CHD8: variants seen among roughly 807,000 people sequenced by gnomAD.
CHD8 encodes chromodomain helicase DNA binding protein 8, also known as ATP-dependent chromatin remodeler CHD8.
In CHD8, 31 loss-of-function variants were observed where a neutral mutation model predicts 279.2. The observed-to-expected ratio is 0.11, with a 90% confidence interval of 0.08 to 0.15. The LOEUF is 0.15. Among genes scored for constraint, CHD8 ranks in the 10% least tolerant of loss-of-function variants. CHD8 has a pLI of 1.00. For missense variants in CHD8, 2,146 were observed against 3,230.5 expected (o/e 0.66, Z 8.14); for synonymous variants, 1,081 against 1,139.6 (o/e 0.95, Z 1.04).
At chr14:21,411,624 G>A (rs982060800) in intron 10 of CHD8, among the ~76,000 whole-genome samples, 6 of 152,030 alleles carry the variant, frequency 3.9e-5, no homozygotes, top group African/African-American at 1.4e-4. Flanking sequence ...ATCCTGCTAA[G>A]CTAAACCAAA....
At position 21,394,144 on chromosome 14, in the gene CHD8, G is replaced by A. The variant is rs761480053; in HGVS notation, c.5651C>T (p.Ser1884Leu). 6.2e-7 allele frequency: 1 copy of A among 1,610,290 alleles called. No individual in the cohort carries two copies. The highest frequency in any genetic ancestry group is 2.2e-5 in the East Asian group (1 of 44,808). Residue 1884 changes from serine to leucine, a missense_variant, in exon 32 of 38, where the codon TCA (serine) becomes TTA (leucine). Physicochemically the swap from Ser to Leu is moderately radical, Grantham distance 145 (BLOSUM62 -2). Around this residue, in one of 26 missense-constraint regions of CHD8, gnomAD observed 513 missense variants for 637.6 expected, o/e 0.80. Transcript: ENST00000646647. ...FIEPITEERA[S>L]RTLYRIELLR... is the part of the protein sequence containing the mutation. ...CAATTCTATACGGTAGAGAGTCCGT[G>A]AGGCTCTCTCCTCAGTGATGGGCTC...
rs775420723 is a variant in CHD8 at position 21,392,831 on chromosome 14, T to G, written c.6469-22A>C. On this transcript the variant is annotated intron_variant, in intron 33 of 37. Transcript: ENST00000646647. Reference sequence around the variant, plus strand: ...GATCCTGAATGGGGAAAGAAAGAAATACCATTTTAAGAGTCTGAGTACTAG... The same window carrying G: ...GATCCTGAATGGGGAAAGAAAGAAAGACCATTTTAAGAGTCTGAGTACTAG... The G allele has an allele frequency of 3.9e-5, 63 of 1,609,380 alleles. No individual in the cohort carries two copies. The South Asian group carries it at 5.7e-4, about 15-fold the overall frequency.
intron 1 of CHD8, among the ~76,000 whole-genome samples, chr14:21,446,317 C>CA (rs530107604): frequency 7.3e-6 from 1 of 137,542 alleles, no homozygotes; most frequent in Non-Finnish European, 1.5e-5. Flanking sequence ...TCTTCTTCTT[C>CA]TTTTTTTTTT....
intron 37 of CHD8, among the ~76,000 whole-genome samples, chr14:21,387,053 A>T (rs920830461): frequency 6.6e-6 from 1 of 152,238 alleles, no homozygotes; most frequent in African/African-American, 2.4e-5. Flanking sequence ...CCACATTGAT[A>T]AAAAACTTAC....
intron 1 of CHD8, among the ~76,000 whole-genome samples, chr14:21,439,807 A>C (rs904978154): frequency 1.3e-5 from 2 of 152,248 alleles, no homozygotes; most frequent in African/African-American, 4.8e-5. Flanking sequence ...AGCCAAAAAA[A>C]GACAAATTAC....
chr14:21,408,967 T>A lies in CHD8; in HGVS notation c.2365-142A>T. 1.1e-6 allele frequency: 1 copy of A among 900,530 alleles called. No individual in the cohort carries two copies. Among genetic ancestry groups the A allele is most frequent in the Non-Finnish European group, 1.6e-6 (1 of 611,310 alleles). 55.8% of individuals were successfully genotyped at this position (900,530 alleles called of 1,614,324 possible). ...GTCAAATATATTTAAATTTATGAGT[T>A]CATAACGTTACTTTATGGGTCCATA... On this transcript the variant is annotated intron_variant, in intron 11 of 37. Coordinates refer to ENST00000646647, the MANE Select transcript of CHD8 (RefSeq NM_001170629.2). The surrounding 1 kb of genome is among the most constrained non-coding windows in gnomAD (Gnocchi z 4.3).
Position 21,386,051 on chromosome 14 carries a change from T to C in CHD8, c.7308A>G (p.Gly2436=). The C allele has an allele frequency of 1.3e-6, 2 of 1,593,136 alleles. No individual in the cohort carries two copies. The highest frequency in any genetic ancestry group is 1.7e-6 in the Non-Finnish European group (2 of 1,169,532). The change falls in exon 38 of 38, where the codon GGA becomes GGG. Residue 2436 remains glycine (G), a synonymous_variant. Coordinates refer to ENST00000646647, the MANE Select transcript of CHD8 (RefSeq NM_001170629.2). ...TATGCAGAGATAGAGACCCAGTGCT[T>C]CCACCCTGCATGAGGGCCATCATCT... ...LSKMMALMQG[G]STGSLSLHNT...
intron 3 of CHD8, 105 bp from the exon 4 acceptor site, chr14:21,428,359 C>T (rs1889416998): frequency 1.0e-6 from 1 of 982,154 alleles, no homozygotes; most frequent in South Asian, 1.6e-5. Flanking sequence ...TTTAATCCCT[C>T]AAGAATCAAG....
In CHD8 at chr14:21,397,851, A is replaced by G. The variant is rs770627325; in HGVS notation, c.5023T>C (p.Leu1675=). 12 of 1,613,514 alleles carry G rather than the reference A, an allele frequency of 7.4e-6. No homozygotes were observed. The highest frequency in any genetic ancestry group is 9.3e-6 in the Non-Finnish European group (11 of 1,179,738). The change falls in exon 27 of 38, where the codon TTG becomes CTG. Residue 1675 remains leucine, a synonymous_variant. Coordinates refer to ENST00000646647, the MANE Select transcript of CHD8 (RefSeq NM_001170629.2). The part of the protein sequence containing the change: ...DKAIAAEHRV[L]DNFSDIVEGV... Reference sequence around the variant, plus strand: ...TCTACTATGTCAGAGAAGTTATCCAACACTCGATGTTCTGCTGCAATTGCT... The same window carrying G: ...TCTACTATGTCAGAGAAGTTATCCAGCACTCGATGTTCTGCTGCAATTGCT...
At chr14:21,406,695 A>G (rs1260687159) in intron 14 of CHD8, among the ~76,000 whole-genome samples, 161 bp downstream of exon 14, 1 of 152,186 alleles carries the variant, frequency 6.6e-6, no homozygotes, top group Non-Finnish European at 1.5e-5. Flanking sequence ...AAAATGTATG[A>G]CTTTTACACG....
intron 27 of CHD8, 140 bp from the exon 28 acceptor site, chr14:21,396,032 T>C: frequency 1.5e-6 from 1 of 657,334 alleles, no homozygotes; most frequent in Non-Finnish European, 2.7e-6. Flanking sequence ...GGTCTCACTC[T>C]GTCGCCCAGG....
At position 21,395,037 on chromosome 14, in the gene CHD8, C is replaced by T. The variant is rs374201033; in HGVS notation, c.5265G>A (p.Ala1755=). Residue 1755 remains alanine, a synonymous_variant, in exon 30 of 38, where the codon GCG becomes GCA. Coordinates refer to ENST00000646647, the MANE Select transcript of CHD8 (RefSeq NM_001170629.2). ...GTTCTCTCTTGTAGCTGCGCTGATA[C>T]GCTGTTACTAGACGCCGAAGCCTAG... The part of the protein sequence containing the change: ...LTARLRRLVT[A]YQRSYKREQM... 76 of 1,614,024 alleles carry T rather than the reference C, an allele frequency of 4.7e-5. No individual in the cohort carries two copies. The highest frequency in any genetic ancestry group is 8.0e-5 in the African/African-American group (6 of 75,052).
chr14:21,416,969 G>A lies in CHD8; in HGVS notation c.1717-1062C>T, dbSNP rs997132889. 4.6e-5 allele frequency among the ~76,000 whole-genome samples: 7 copies of A among 152,080 alleles called. No individual in the cohort carries two copies. In the South Asian group the frequency reaches 6.2e-4, roughly 14 times the overall value. On this transcript the variant is annotated intron_variant, in intron 5 of 37. Transcript: ENST00000646647. The stretch of plus-strand genomic sequence containing the variant: ...ACAAAAATTAGCCGGGCCTGGTGGC[G>A]GATGCCTTTAGTCCCAGCTACTCAG...
chr14:21,450,236 G>A (rs376259687), intron 1 of CHD8, among the ~76,000 whole-genome samples: 100 of 152,256 alleles, frequency 6.6e-4, no homozygotes, highest in Middle Eastern at 3.4e-3. Flanking sequence ...TTCCATACAC[G>A]AAATTCTGTT....
At chr14:21,448,185 G>A (rs1890172560) in intron 1 of CHD8, among the ~76,000 whole-genome samples, 1 of 152,174 alleles carries the variant, frequency 6.6e-6, no homozygotes, top group African/African-American at 2.4e-5. Context: ...TGTGTGGGAG[G>A]AGAAACATCA....
At chr14:21,398,900 G>A (rs752544626) in intron 26 of CHD8, 3 of 287,808 alleles carry the variant, frequency 1.0e-5, no homozygotes, top group Non-Finnish European at 2.1e-5. Flanking sequence ...TTTCTCTTTA[G>A]TGAGGCAGCC....
At chr14:21,449,682 A>G (rs925189489) in intron 1 of CHD8, among the ~76,000 whole-genome samples, 7 of 152,190 alleles carry the variant, frequency 4.6e-5, no homozygotes, top group Non-Finnish European at 7.3e-5. Context: ...TCAACTAATC[A>G]CTTTTATGTT....
At chr14:21,436,804 C>T in intron 1 of CHD8, 1 of 439,832 alleles carries the variant, frequency 2.3e-6, no homozygotes, top group Non-Finnish European at 4.3e-6. Flanking sequence ...AGATTCTGCA[C>T]TCATGAAAAA....
chr14:21,417,288 T>A (rs1390985473), intron 5 of CHD8, among the ~76,000 whole-genome samples: 1 of 152,076 alleles, frequency 6.6e-6, no homozygotes, highest in Non-Finnish European at 1.5e-5. Context: ...TCCTATAAAT[T>A]TGCATATGTG....
Sources: allele counts gnomAD v4.1 joint callset (sites outside exome capture counted in the v4.1 genomes callset), GRCh38; gene constraint gnomAD v4.1.1; regional missense constraint gnomAD v4.1.1; non-coding constraint Gnocchi (gnomAD v3.1); transcripts MANE v1.5; gene names NCBI Gene and HGNC (gene_info 2026-07-23, HGNC 2026-07-21).